BDP1: variants seen among roughly 807,000 people sequenced by gnomAD.
The protein encoded by BDP1 is transcription factor TFIIIB component B'' homolog.
Under a neutral mutation model 266.6 loss-of-function variants are expected in BDP1, and 169 were observed. That is an observed-to-expected ratio of 0.63 (90% CI 0.56 to 0.72). BDP1 has a LOEUF of 0.72. BDP1 is among the 30% of genes least tolerant of loss of function. The pLI is 0.00. For synonymous variants in BDP1, 1,090 were observed against 1,022.4 expected (o/e 1.07, Z -1.26); for missense variants, 3,015 against 3,053.8 (o/e 0.99, Z 0.30).
chr5:71,461,870 T>A lies in BDP1; in HGVS notation c.543T>A (p.Arg181=). ...AINESQRPPD[R]SKMTMRDFIY... ...ATGAAAGTCAGAGGCCACCAGATCG[T>A]TCAAAAATGACTATGAGAGACTTCA... The change falls in exon 3 of 39, where the codon CGT becomes CGA. Residue 181 remains arginine (R), a synonymous_variant. Coordinates refer to ENST00000358731, the MANE Select transcript of BDP1 (RefSeq NM_018429.3). 6.2e-7 allele frequency: 1 copy of A among 1,609,290 alleles called. No homozygotes were observed. The highest frequency in any genetic ancestry group is 8.5e-7 in the Non-Finnish European group (1 of 1,176,978).
At chr5:71,549,333 ACTGT>A (rs1430956526) in intron 33 of BDP1, 83 bp from the exon 34 acceptor site, 4 of 1,092,406 alleles carry the variant, frequency 3.7e-6, no homozygotes, top group African/African-American at 1.6e-5. Context: ...TTGTCCTGAG[ACTGT>A]CTTTTTAGAA....
At chr5:71,535,770 GCATACTTCCACC>G (rs1001622032) in intron 26 of BDP1, among the ~76,000 whole-genome samples, 3 of 152,174 alleles carry the variant, frequency 2.0e-5, no homozygotes, top group African/African-American at 7.2e-5. Flanking sequence ...GCATGCAGCA[GCATACTTCCACC>G]CTCTGCCTCC....
intron 24 of BDP1, 149 bp from the exon 25 acceptor site, chr5:71,523,790 T>C (rs1475778443): frequency 2.7e-6 from 2 of 754,358 alleles, no homozygotes; most frequent in Non-Finnish European, 4.1e-6. Context: ...ATTCCTTTTT[T>C]ATTTTCACAG....
At chr5:71,567,870 C>T (rs183421776), downstream of BDP1, 4 of 152,104 alleles carry the variant, frequency 2.6e-5, no homozygotes, top group Admixed American at 1.3e-4. Context: ...GGCTGGGTAT[C>T]GTGGCTTACA....
chr5:71,506,786 A>AACAC (rs70992971), intron 16 of BDP1, among the ~76,000 whole-genome samples: 6,067 of 64,350 alleles, frequency 0.094, 366 homozygotes, highest in African/African-American at 0.18. Flanking sequence ...ATATATTTGA[A>AACAC]ACACACACAC....
chr5:71,527,160 ATCC>A (rs1290135966), intron 25 of BDP1, among the ~76,000 whole-genome samples: 1 of 152,144 alleles, frequency 6.6e-6, no homozygotes, highest in Non-Finnish European at 1.5e-5. Context: ...AGCTCAGGCA[ATCC>A]TCCTGCCTCG....
chr5:71,516,308 A>T, intron 21 of BDP1, 37 bp downstream of exon 21: 1 of 1,505,466 alleles, frequency 6.6e-7, no homozygotes. Flanking sequence ...TAGCCTTTTA[A>T]TGCATTTAAA....
intron 25 of BDP1, among the ~76,000 whole-genome samples, chr5:71,525,569 GCGGC>G (rs1765789806): frequency 1.2e-5 from 1 of 85,466 alleles, no homozygotes; most frequent in South Asian, 4.4e-4. Flanking sequence ...CCCGGATGGG[GCGGC>G]TGGCCGGGCG....
chr5:71,493,109 G>C (rs1337975330), intron 11 of BDP1, among the ~76,000 whole-genome samples: 1 of 152,190 alleles, frequency 6.6e-6, no homozygotes, highest in Non-Finnish European at 1.5e-5. Flanking sequence ...CTATGACTCT[G>C]TCTAATCTAG....
chr5:71,564,903 T>C lies in BDP1; in HGVS notation c.*18T>C. 3.2e-6 allele frequency: 5 copies of C among 1,575,454 alleles called. No individual in the cohort carries two copies. Among genetic ancestry groups the C allele is most frequent in the Non-Finnish European group, 4.3e-6 (5 of 1,165,578 alleles). On this transcript the variant is annotated 3_prime_UTR_variant, in exon 39 of 39. Coordinates refer to ENST00000358731, the MANE Select transcript of BDP1 (RefSeq NM_018429.3). ...CAGAATAAAACAATCTTTTCTCTTTTTCTTTTTTAAATTAGGTCTAGGATT... is the reference window on the plus strand; with the variant it reads ...CAGAATAAAACAATCTTTTCTCTTTCTCTTTTTTAAATTAGGTCTAGGATT...
chr5:71,489,289 G>GACCTAAA (rs1409949691), intron 9 of BDP1, 115 bp from the exon 10 acceptor site: 1 of 664,990 alleles, frequency 1.5e-6, no homozygotes, highest in African/African-American at 1.9e-5. Flanking sequence ...GTTGTCTTTA[G>GACCTAAA]GTTTTTTGTT....
chr5:71,558,832 CAA>C (rs35755125), intron 36 of BDP1, among the ~76,000 whole-genome samples: 17 of 133,862 alleles, frequency 1.3e-4, no homozygotes, highest in South Asian at 2.4e-4. Flanking sequence ...GTCTCAAAAA[CAA>C]AAAAAAAAAA....
At chr5:71,513,063 CAAAAAAAAAAAAA>C (rs34252624) in intron 18 of BDP1, 109 bp from the exon 19 acceptor site, 31 of 416,752 alleles carry the variant, frequency 7.4e-5, no homozygotes, top group South Asian at 5.8e-4. Flanking sequence ...ACCCTGTCTC[CAAAAAAAAAAAAA>C]AAAAAAAAAA....
chr5:71,506,823 A>ACACACACACACACACACACACC (rs377599570), intron 16 of BDP1, among the ~76,000 whole-genome samples: 7 of 141,726 alleles, frequency 4.9e-5, no homozygotes, highest in South Asian at 2.3e-4. Flanking sequence ...ACACACACAC[A>ACACACACACACACACACACACC]CCCATATTTT....
chr5:71,548,674 TA>T lies in BDP1; in HGVS notation c.6745-7del. ...ACCTGACTCTTTCATTTTAATTTTT[TA>T]TGGCAGTATACACCAACAAGTATTC... On this transcript the variant is annotated splice_region_variant and splice_polypyrimidine_tract_variant and intron_variant, in intron 32 of 38. Coordinates refer to ENST00000358731, the MANE Select transcript of BDP1 (RefSeq NM_018429.3). The T allele has an allele frequency of 6.3e-7, 1 of 1,588,226 alleles. No homozygotes were observed. Among genetic ancestry groups the T allele is most frequent in the Non-Finnish European group, 8.6e-7 (1 of 1,160,008 alleles).
intron 37 of BDP1, 104 bp downstream of exon 37, chr5:71,560,341 A>T (rs1743549887): frequency 1.7e-6 from 2 of 1,208,326 alleles, no homozygotes; most frequent in Middle Eastern, 4.2e-4. Flanking sequence ...TTTAATAAAC[A>T]TATTCCTCCA....
At chr5:71,535,671 G>C (rs1196257798) in intron 26 of BDP1, among the ~76,000 whole-genome samples, 1 of 152,136 alleles carries the variant, frequency 6.6e-6, no homozygotes, top group African/African-American at 2.4e-5. Context: ...TGTCACCAAT[G>C]TTGGTTCCTT....
At chr5:71,540,457 A>G (rs1202257600) in intron 28 of BDP1, among the ~76,000 whole-genome samples, 2 of 152,114 alleles carry the variant, frequency 1.3e-5, no homozygotes. Context: ...CCTCTCAAGT[A>G]GTTGGGATTA....
chr5:71,466,887 T>C (rs1424737528), intron 5 of BDP1, among the ~76,000 whole-genome samples: 1 of 152,186 alleles, frequency 6.6e-6, no homozygotes, highest in Non-Finnish European at 1.5e-5. Context: ...CTAATAATAG[T>C]TGTTTTTGTG....
Sources: allele counts gnomAD v4.1 joint callset (sites outside exome capture counted in the v4.1 genomes callset), GRCh38; gene constraint gnomAD v4.1.1; transcripts MANE v1.5; gene names NCBI Gene and HGNC (gene_info 2026-07-23, HGNC 2026-07-21).